The following TMC3 variants were observed in gnomAD, a reference collection of about 807,000 sequenced individuals.
TMC3 encodes the protein transmembrane channel like 3.
A neutral mutation model predicts 110.6 loss-of-function variants in TMC3; 98 were observed. That is an observed-to-expected ratio of 0.89 (90% CI 0.75 to 1.05). The LOEUF is 1.05. TMC3 is among the 50% of genes least tolerant of loss of function. The pLI, the probability that TMC3 is intolerant of heterozygous loss-of-function variation, is 0.00. For synonymous variants in TMC3, 489 were observed against 513.1 expected, an observed-to-expected ratio of 0.95 and a Z score of 0.63; for missense variants, 1,319 against 1,373.2, an observed-to-expected ratio of 0.96 and a Z score of 0.62.
At chr15:81,333,284 G>A (rs978366646) in intron 21 of TMC3, 22 bp from the exon 22 acceptor site, 1 of 1,579,700 alleles carries the variant, frequency 6.3e-7, no homozygotes, top group Non-Finnish European at 8.6e-7. Flanking sequence ...GGGCGGTTAA[G>A]TAGCTGTGGC....
chr15:81,340,917 G>A (rs1893700449), intron 16 of TMC3, among the ~76,000 whole-genome samples: 1 of 152,220 alleles, frequency 6.6e-6, no homozygotes, highest in Non-Finnish European at 1.5e-5. Context: ...TTGCGTGTAA[G>A]CAGTTGGGCA....
Position 81,346,360 on chromosome 15 carries a change from C to T in TMC3, c.1272+5G>A. The stretch of plus-strand genomic sequence containing the variant: ...GGCAGGCAACTATCTGGGATGGGCA[C>T]TCACCTCAATGCTCATGCTGTTAAC... On this transcript the variant is annotated splice_donor_5th_base_variant and intron_variant, in intron 12 of 21. Transcript: ENST00000359440. The T allele has an allele frequency of 1.2e-6, 2 of 1,613,368 alleles. No individual in the cohort carries two copies. Among genetic ancestry groups the T allele is most frequent in the Non-Finnish European group, 1.7e-6 (2 of 1,179,652 alleles).
chr15:81,362,180 C>T (rs1376756281), intron 4 of TMC3, 40 bp downstream of exon 4: 1 of 1,535,814 alleles, frequency 6.5e-7, no homozygotes, highest in Admixed American at 1.9e-5. Context: ...TGGCCACTAG[C>T]ATTGCATTCC....
intron 12 of TMC3, among the ~76,000 whole-genome samples, chr15:81,345,424 G>A (rs79002201): frequency 0.013 from 1,943 of 152,282 alleles, 34 homozygotes; most frequent in African/African-American, 0.039. Flanking sequence ...CCCCAATGCA[G>A]AAAAATGATT....
At chr15:81,349,607 AC>A (rs1310394736) in intron 10 of TMC3, 40 bp from the exon 11 acceptor site, 8 of 1,247,340 alleles carry the variant, frequency 6.4e-6, no homozygotes, top group Non-Finnish European at 7.4e-6. Context: ...CATTCCCAGG[AC>A]CCCCCACCAG....
At chr15:81,345,891 A>T (rs1430435788) in intron 12 of TMC3, among the ~76,000 whole-genome samples, 1 of 151,976 alleles carries the variant, frequency 6.6e-6, no homozygotes, top group African/African-American at 2.4e-5. Flanking sequence ...AAGAAAAAAA[A>T]AAAGGTGGAC....
chr15:81,331,509 T>A lies in TMC3; in HGVS notation c.*910A>T, dbSNP rs777032551. 2 of 152,138 alleles carry A rather than the reference T, an allele frequency of 1.3e-5. No individual in the cohort carries two copies. The highest frequency in any genetic ancestry group is 4.8e-5 in the African/African-American group (2 of 41,434). The allele number at this position is 152,138 out of a possible 1,614,324, so 9.4% of individuals were successfully genotyped here. A position where few individuals can be genotyped will look rare whatever the true frequency, so the allele number is the denominator to read the frequency against. On this transcript the variant is annotated 3_prime_UTR_variant, in exon 22 of 22. Coordinates refer to ENST00000359440, the MANE Select transcript of TMC3 (RefSeq NM_001080532.3). Reference sequence around the variant, plus strand: ...TAGCTTTTGAAGGAAAAAGTAAAAATTTTTGGTTGTCTTTGATTATACTTG... The same window carrying A: ...TAGCTTTTGAAGGAAAAAGTAAAAAATTTTGGTTGTCTTTGATTATACTTG...
chr15:81,333,376 C>T, intron 21 of TMC3, 114 bp from the exon 22 acceptor site: 1 of 1,391,216 alleles, frequency 7.2e-7, no homozygotes, highest in Non-Finnish European at 9.7e-7. Flanking sequence ...CTGGTTCCAA[C>T]TGGTTAATGG....
intron 3 of TMC3, among the ~76,000 whole-genome samples, chr15:81,367,054 A>C (rs1319085879): frequency 1.3e-5 from 2 of 152,170 alleles, no homozygotes; most frequent in Non-Finnish European, 2.9e-5. Context: ...ACAATGGACC[A>C]CAGTCTTTTC....
chr15:81,336,607 AC>A lies in TMC3; in HGVS notation c.2203+1del. ...ACAACAAAAAGAAACGGAAATACTT[AC>A]CTTCTACCATCTGGGCAACCTTTTT... On this transcript the variant is annotated splice_donor_variant, in intron 20 of 21. Transcript: ENST00000359440. LOFTEE classifies it high-confidence loss of function. 1 of 1,613,778 alleles carries A rather than the reference AC, an allele frequency of 6.2e-7. No individual in the cohort carries two copies. The highest frequency in any genetic ancestry group is 8.5e-7 in the Non-Finnish European group (1 of 1,179,820).
intron 6 of TMC3, 43 bp from the exon 7 acceptor site, chr15:81,358,334 A>C: frequency 6.3e-7 from 1 of 1,598,250 alleles, no homozygotes; most frequent in Non-Finnish European, 8.5e-7. Context: ...TCCCGTTCCC[A>C]GGTCTCAGAA....
rs201832940 is a variant in TMC3 at position 81,332,775 on chromosome 15, G to T, written c.2947C>A (p.Arg983=). Residue 983 remains arginine (R), a synonymous_variant, in exon 22 of 22, where the codon CGG becomes AGG. Coordinates refer to ENST00000359440, the MANE Select transcript of TMC3 (RefSeq NM_001080532.3). ...YIGERSESQT[R]DPEHQGRVHY... The stretch of plus-strand genomic sequence containing the variant: ...ACCCTCCCCTGGTGCTCGGGATCCC[G>T]GGTCTGACTTTCGGACCTCTCCCCA... The T allele has an allele frequency of 6.2e-7, 1 of 1,611,436 alleles. No homozygotes were observed. The highest frequency in any genetic ancestry group is 8.5e-7 in the Non-Finnish European group (1 of 1,178,848).
intron 11 of TMC3, among the ~76,000 whole-genome samples, chr15:81,347,822 G>C (rs1226433082): frequency 6.6e-6 from 1 of 152,206 alleles, no homozygotes; most frequent in African/African-American, 2.4e-5. Flanking sequence ...ATACTTGCTA[G>C]TGAGGAAGGA....
chr15:81,339,497 T>C lies in TMC3; in HGVS notation c.1852A>G (p.Asn618Asp), dbSNP rs1357976256. 1.3e-6 allele frequency: 2 copies of C among 1,597,034 alleles called. No homozygotes were observed. The highest frequency in any genetic ancestry group is 3.5e-5 in the Admixed American group (2 of 57,398). Residue 618 changes from asparagine to aspartate, a missense_variant, in exon 17 of 22, where the codon AAC (asparagine) becomes GAC (aspartate). Coordinates refer to ENST00000359440, the MANE Select transcript of TMC3 (RefSeq NM_001080532.3). ...AACAGGAGCATTGCCAAGTAGAAGTTGTTGGATCTGCAGATAAATCAGATG... is the reference window on the plus strand; with the variant it reads ...AACAGGAGCATTGCCAAGTAGAAGTCGTTGGATCTGCAGATAAATCAGATG... ...QQVFRASRSNNFYLAMLLFML... is the reference protein window; with the variant it reads ...QQVFRASRSNDFYLAMLLFML...
chr15:81,373,544 C>T (rs11634168), intron 1 of TMC3, among the ~76,000 whole-genome samples: 88,616 of 151,728 alleles, frequency 0.58, 27,440 homozygotes, highest in Non-Finnish European at 0.7. Flanking sequence ...AATTAAATGG[C>T]AGCTGTACTA....
rs1472445796 is a variant in TMC3, at chr15:81,372,751, G to T, written c.90-14C>A. On this transcript the variant is annotated splice_polypyrimidine_tract_variant and intron_variant, in intron 1 of 21. Transcript: ENST00000359440. ...TCATCCAAGTTGCTGAATGATCAGG[G>T]CATTAAGGAGGAAATCTGATTAGAA... 1 of 1,613,050 alleles carries T rather than the reference G, an allele frequency of 6.2e-7. No individual in the cohort carries two copies. Among genetic ancestry groups the T allele is most frequent in the East Asian group, 2.2e-5 (1 of 44,852 alleles).
chr15:81,356,770 C>A (rs957032804), intron 7 of TMC3, among the ~76,000 whole-genome samples, 176 bp from the exon 8 acceptor site: 6 of 152,180 alleles, frequency 3.9e-5, no homozygotes, highest in African/African-American at 1.4e-4. Context: ...ATGCTTGTGA[C>A]CTCAGCAACA....
At chr15:81,373,825 G>C (rs1193944751) in intron 1 of TMC3, among the ~76,000 whole-genome samples, 164 bp downstream of exon 1, 1 of 152,180 alleles carries the variant, frequency 6.6e-6, no homozygotes, top group Non-Finnish European at 1.5e-5. Flanking sequence ...CCGTTGCTGA[G>C]GTTGCCATCC....
chr15:81,347,618 GGTAACACA>G (rs1407664488), intron 11 of TMC3, among the ~76,000 whole-genome samples: 5 of 152,298 alleles, frequency 3.3e-5, no homozygotes, highest in Middle Eastern at 3.4e-3. Context: ...TTGGATAGAA[GGTAACACA>G]GTCTGCTGGT....
Sources: allele counts gnomAD v4.1 joint callset (sites outside exome capture counted in the v4.1 genomes callset), GRCh38; gene constraint gnomAD v4.1.1; transcripts MANE v1.5; gene names NCBI Gene and HGNC (gene_info 2026-07-23, HGNC 2026-07-21).